IL21R: variants seen among roughly 807,000 people sequenced by gnomAD.
IL21R encodes interleukin-21 receptor.
A neutral mutation model predicts 41.3 loss-of-function variants in IL21R; 14 were observed. The ratio of observed to expected loss-of-function variants is 0.34; its 90% CI spans 0.22 to 0.53. The LOEUF is 0.53. Among genes scored for constraint, IL21R ranks in the 20% least tolerant of loss-of-function variants. IL21R has a pLI of 0.94. For synonymous variants in IL21R, 286 were observed against 287.6 expected, an observed-to-expected ratio of 0.99 and a Z score of 0.05; for missense variants, 588 against 681.6, an observed-to-expected ratio of 0.86 and a Z score of 1.53.
intron 1 of IL21R, among the ~76,000 whole-genome samples, chr16:27,406,693 A>G (rs1252215310): frequency 6.6e-6 from 1 of 152,032 alleles, no homozygotes; most frequent in African/African-American, 2.4e-5. Context: ...CTGGCGAAAA[A>G]AAAAAAGATG....
At chr16:27,407,697 T>A (rs1370321883) in intron 1 of IL21R, among the ~76,000 whole-genome samples, 1 of 152,148 alleles carries the variant, frequency 6.6e-6, no homozygotes, top group Non-Finnish European at 1.5e-5. Context: ...TGGTAGCCCA[T>A]GCCTGTAATC....
chr16:27,413,143 C>A (rs1050120059), intron 1 of IL21R, among the ~76,000 whole-genome samples: 11 of 152,016 alleles, frequency 7.2e-5, no homozygotes, highest in African/African-American at 2.7e-4. Context: ...ATTTCTATTT[C>A]TAGTTCCTTG....
intron 3 of IL21R, among the ~76,000 whole-genome samples, chr16:27,437,211 C>A: frequency 6.6e-6 from 1 of 152,158 alleles, no homozygotes; most frequent in Middle Eastern, 3.2e-3. Context: ...CCCAAATTTC[C>A]AAAATTGAGA....
chr16:27,424,628 A>G (rs2141277083), intron 1 of IL21R, among the ~76,000 whole-genome samples: 1 of 152,312 alleles, frequency 6.6e-6, no homozygotes, highest in African/African-American at 2.4e-5. Context: ...ATGAGAAAAC[A>G]GAGAATCAGA....
At chr16:27,406,332 G>C (rs1022751398) in intron 1 of IL21R, among the ~76,000 whole-genome samples, 1 of 152,102 alleles carries the variant, frequency 6.6e-6, no homozygotes, top group Non-Finnish European at 1.5e-5. Context: ...AGATTGCAAG[G>C]TTTGGGCAAG....
intron 4 of IL21R, among the ~76,000 whole-genome samples, chr16:27,442,168 C>A (rs559647855): frequency 6.6e-6 from 1 of 151,922 alleles, no homozygotes; most frequent in Non-Finnish European, 1.5e-5. Context: ...GCATGCTGTG[C>A]GTGTGCATGT....
At position 27,440,279 on chromosome 16, in the gene IL21R, A is replaced by AGAGAGAGC. The variant is rs1567370043; in HGVS notation, c.352+2593_352+2594insAGAGAGCG. On this transcript the variant is annotated intron_variant, in intron 4 of 8. Transcript: ENST00000337929. ...GAGAGAGAGAGAGAGAGAGAGAGAG[A>AGAGAGAGC]GCGAGCAAGCGCGCGCCAGGGTGTA... 1.2e-4 allele frequency among the ~76,000 whole-genome samples: 16 copies of AGAGAGAGC among 131,882 alleles called. 1 individual carries two copies. The highest frequency in any genetic ancestry group is 4.7e-4 in the African/African-American group (15 of 32,052). 86.5% of individuals were successfully genotyped at this position (131,882 alleles called of 152,430 possible).
At chr16:27,437,228 G>T (rs2087286226) in intron 3 of IL21R, among the ~76,000 whole-genome samples, 1 of 152,188 alleles carries the variant, frequency 6.6e-6, no homozygotes, top group South Asian at 2.1e-4. Context: ...GAGAGCTGCT[G>T]CCCTAAATGA....
At chr16:27,445,715 C>T (rs867754951) in intron 7 of IL21R, among the ~76,000 whole-genome samples, 13 of 152,132 alleles carry the variant, frequency 8.5e-5, no homozygotes, top group Admixed American at 3.3e-4. Context: ...GGCCTCTCTG[C>T]GCACCCCTGG....
chr16:27,419,659 C>A (rs1181699339), intron 1 of IL21R, among the ~76,000 whole-genome samples: 3 of 152,110 alleles, frequency 2.0e-5, no homozygotes, highest in Non-Finnish European at 4.4e-5. Context: ...AACTCCTGAC[C>A]TCAAGTGATC....
rs2087573487 is a variant in IL21R, at chr16:27,450,457, T to C, written c.*1174T>C. 4 of 230,982 alleles carry C rather than the reference T, an allele frequency of 1.7e-5. No individual in the cohort carries two copies. The East Asian group carries it at 2.5e-4, about 14-fold the overall frequency. 14.3% of individuals were successfully genotyped at this position (230,982 alleles called of 1,614,324 possible). ...CCAATTCAATCCTGCCAATAAATCC[T>C]GTCTTATTTGTTCATCCTGGAGAAT... is the stretch of plus-strand genomic sequence containing the variant. On this transcript the variant is annotated 3_prime_UTR_variant, in exon 9 of 9. Transcript: ENST00000337929.
chr16:27,434,270 C>T, intron 2 of IL21R, 77 bp from the exon 3 acceptor site: 2 of 924,202 alleles, frequency 2.2e-6, no homozygotes, highest in Non-Finnish European at 3.5e-6. Context: ...TTCCTCCAGC[C>T]CTCGAGGGGA....
chr16:27,433,775 T>G lies in IL21R; in HGVS notation c.50-572T>G, dbSNP rs1055443981. Among the ~76,000 whole-genome samples the G allele has an allele frequency of 3.3e-5, 5 of 152,332 alleles. 1 individual carries two copies. The highest frequency in any genetic ancestry group is 6.8e-3 in the Middle Eastern group (2 of 294). The stretch of plus-strand genomic sequence containing the variant: ...CCTTTATGCAAAAGTGTCCGAGGGC[T>G]TTTTAATTCTCTCACGGTTTCCTAC... On this transcript the variant is annotated intron_variant, in intron 2 of 8. Transcript: ENST00000337929.
chr16:27,433,009 C>T (rs2087200993), intron 2 of IL21R, among the ~76,000 whole-genome samples: 1 of 152,220 alleles, frequency 6.6e-6, no homozygotes, highest in African/African-American at 2.4e-5. Context: ...GTGTTCTCAT[C>T]TCTACAATGA....
In IL21R at chr16:27,432,005, T is replaced by C. The variant is rs148540258; in HGVS notation, c.49+1885T>C. ...AGGGGACACACGCTGCATCCTCACATGGCAGAAGGGCAAAAAGGGTCTGAA... is the reference window on the plus strand; with the variant it reads ...AGGGGACACACGCTGCATCCTCACACGGCAGAAGGGCAAAAAGGGTCTGAA... On this transcript the variant is annotated intron_variant, in intron 2 of 8. Transcript: ENST00000337929. Among the ~76,000 whole-genome samples the C allele has an allele frequency of 3.5e-3, 533 of 152,308 alleles. 3 individuals carry two copies. Among genetic ancestry groups the C allele is most frequent in the African/African-American group, 0.012 (505 of 41,578 alleles).
At chr16:27,403,172 T>C (rs2086686740) in intron 1 of IL21R, 7 of 1,319,750 alleles carry the variant, frequency 5.3e-6, no homozygotes, top group African/African-American at 1.5e-5. Context: ...GGTGACCCCA[T>C]GAGCTGTCGC....
intron 8 of IL21R, among the ~76,000 whole-genome samples, chr16:27,447,393 C>T (rs1045117297): frequency 3.9e-5 from 6 of 151,962 alleles, no homozygotes; most frequent in Middle Eastern, 3.4e-3. Flanking sequence ...AGCTGAGAAG[C>T]GACTTTGAAT....
At chr16:27,440,150 G>A (rs948629115) in intron 4 of IL21R, among the ~76,000 whole-genome samples, 1 of 150,864 alleles carries the variant, frequency 6.6e-6, no homozygotes, top group Non-Finnish European at 1.5e-5. Context: ...CCCTCAGTGC[G>A]GGTTTCAGGA....
At chr16:27,446,953 C>G (rs1347430622) in intron 8 of IL21R, among the ~76,000 whole-genome samples, 1 of 152,200 alleles carries the variant, frequency 6.6e-6, no homozygotes, top group Non-Finnish European at 1.5e-5. Flanking sequence ...TGCAGCCCAG[C>G]CTGAAAGTCA....
Sources: allele counts gnomAD v4.1 joint callset (sites outside exome capture counted in the v4.1 genomes callset), GRCh38; gene constraint gnomAD v4.1.1; transcripts MANE v1.5; gene names NCBI Gene and HGNC (gene_info 2026-07-23, HGNC 2026-07-21).